Variants in SGCZ observed in about 807,000 individuals in gnomAD.
SGCZ encodes the protein sarcoglycan zeta.
SGCZ carries 40 observed loss-of-function variants against 41.3 expected under a neutral mutation model. The ratio of observed to expected loss-of-function variants is 0.97; its 90% CI spans 0.75 to 1.26. The LOEUF (loss-of-function observed/expected upper bound fraction) is 1.26, where lower values mean the gene tolerates loss of function less well. Among genes scored for constraint, SGCZ ranks in the 50% most tolerant of loss-of-function variants. SGCZ has a pLI of 0.00. For missense variants in SGCZ, 552 were observed against 369.8 expected, an observed-to-expected ratio of 1.49 and a Z score of -4.04; for synonymous variants, 206 against 137.5, an observed-to-expected ratio of 1.50 and a Z score of -3.49.
At chr8:14,562,906 G>A (rs761788276) in intron 1 of SGCZ, among the ~76,000 whole-genome samples, 4 of 152,190 alleles carry the variant, frequency 2.6e-5, no homozygotes, top group Non-Finnish European at 5.9e-5. Context: ...AGATGTGGTA[G>A]CAGAGGAACT....
chr8:14,482,677 T>G (rs1801566985), intron 2 of SGCZ, among the ~76,000 whole-genome samples: 1 of 152,010 alleles, frequency 6.6e-6, no homozygotes, highest in South Asian at 2.1e-4. Flanking sequence ...GCGAAATAAG[T>G]AAAGCAGATG....
chr8:14,142,416 A>T (rs1328138121), intron 5 of SGCZ, among the ~76,000 whole-genome samples: 2 of 152,202 alleles, frequency 1.3e-5, no homozygotes, highest in East Asian at 3.8e-4. Flanking sequence ...GGCTGGCTCT[A>T]AAGTGTTCCC....
chr8:14,446,959 T>A (rs987833482), intron 2 of SGCZ, among the ~76,000 whole-genome samples: 1 of 152,186 alleles, frequency 6.6e-6, no homozygotes, highest in African/African-American at 2.4e-5. Flanking sequence ...TACCAAAAGA[T>A]TAACTTTCAA....
At chr8:14,726,677 TA>T (rs145399160) in intron 1 of SGCZ, among the ~76,000 whole-genome samples, 3,304 of 152,096 alleles carry the variant, frequency 0.022, 85 homozygotes, top group African/African-American at 0.056. Context: ...AATAGATTAA[TA>T]AATGTATAAA....
intron 1 of SGCZ, among the ~76,000 whole-genome samples, chr8:14,843,870 T>C (rs1398556903): frequency 6.6e-6 from 1 of 151,976 alleles, no homozygotes; most frequent in Non-Finnish European, 1.5e-5. Context: ...GTCTTAGTTC[T>C]GTTCAAGAGA....
chr8:14,173,800 G>C (rs1804462097), intron 4 of SGCZ, among the ~76,000 whole-genome samples: 1 of 152,010 alleles, frequency 6.6e-6, no homozygotes, highest in Non-Finnish European at 1.5e-5. Flanking sequence ...ATCAATAATT[G>C]CATTTTAAAT....
At chr8:15,042,015 A>T (rs190000434) in intron 1 of SGCZ, among the ~76,000 whole-genome samples, 1 of 152,314 alleles carries the variant, frequency 6.6e-6, no homozygotes, top group Non-Finnish European at 1.5e-5. Context: ...TAGTATGTAT[A>T]TTCTTTGGGT....
At chr8:14,637,779 AT>A (rs1196470337) in intron 1 of SGCZ, among the ~76,000 whole-genome samples, 3 of 151,884 alleles carry the variant, frequency 2.0e-5, no homozygotes, top group Non-Finnish European at 4.4e-5. Flanking sequence ...GCTGCAAAAA[AT>A]ATGCATGCAT....
At chr8:14,770,416 G>T (rs2130390398) in intron 1 of SGCZ, among the ~76,000 whole-genome samples, 1 of 151,522 alleles carries the variant, frequency 6.6e-6, no homozygotes, top group Non-Finnish European at 1.5e-5. Context: ...TTTCCCCAGA[G>T]GTCAGTATAT....
chr8:14,223,013 T>C (rs67237408), intron 4 of SGCZ, among the ~76,000 whole-genome samples: 35,999 of 151,352 alleles, frequency 0.24, 5,506 homozygotes, highest in Non-Finnish European at 0.34. Flanking sequence ...GGTTTCACCA[T>C]GTAGGCCAGG....
intron 1 of SGCZ, among the ~76,000 whole-genome samples, chr8:15,186,546 T>C (rs567123922): frequency 3.3e-5 from 5 of 152,170 alleles, no homozygotes; most frequent in East Asian, 1.9e-4. Context: ...ATATAAAGCA[T>C]TACCCTTGGA....
chr8:14,581,138 C>T (rs1037396004), intron 1 of SGCZ, among the ~76,000 whole-genome samples: 2 of 152,080 alleles, frequency 1.3e-5, no homozygotes, highest in African/African-American at 4.8e-5. Context: ...GACAGTGTCT[C>T]GTTCTGTCAC....
intron 1 of SGCZ, among the ~76,000 whole-genome samples, chr8:14,683,179 T>C (rs1215092510): frequency 6.6e-6 from 1 of 152,172 alleles, no homozygotes; most frequent in African/African-American, 2.4e-5. Flanking sequence ...GTGTAAAATA[T>C]GCCTAAATAC....
intron 1 of SGCZ, among the ~76,000 whole-genome samples, chr8:14,631,105 G>A (rs549541243): frequency 6.6e-5 from 10 of 151,864 alleles, no homozygotes; most frequent in Middle Eastern, 6.8e-3. Context: ...TCCTATTTTC[G>A]TAATTAGTTC....
rs112264062 is a variant in SGCZ, at chr8:14,586,400, G to A, written c.40-31474C>T. Among the ~76,000 whole-genome samples, 1,267 of 152,158 alleles carry A rather than the reference G, an allele frequency of 8.3e-3. 14 individuals carry two copies. Among genetic ancestry groups the A allele is most frequent in the African/African-American group, 0.029 (1,208 of 41,514 alleles). On this transcript the variant is annotated intron_variant, in intron 1 of 7. Transcript: ENST00000382080. ...GGCTAATTTTTGTGTTTTTAATAGA[G>A]ACAGGGTTTTTCCATGTTGGCCAGG...
At chr8:14,988,908 G>A (rs544838948) in intron 1 of SGCZ, among the ~76,000 whole-genome samples, 4 of 152,278 alleles carry the variant, frequency 2.6e-5, no homozygotes, top group African/African-American at 9.6e-5. Flanking sequence ...ACATTTGTGG[G>A]GAGGGGGGGC....
intron 2 of SGCZ, among the ~76,000 whole-genome samples, chr8:14,330,953 T>G (rs1439703715): frequency 1.3e-5 from 2 of 152,050 alleles, no homozygotes; most frequent in African/African-American, 4.8e-5. Flanking sequence ...AGACATCTTT[T>G]CTGGATAAAA....
intron 2 of SGCZ, among the ~76,000 whole-genome samples, chr8:14,413,374 C>A (rs559442777): frequency 1.3e-5 from 2 of 151,994 alleles, no homozygotes; most frequent in South Asian, 2.1e-4. Context: ...ATATGTAGTT[C>A]TCTGCCCAAT....
At chr8:15,139,942 C>T (rs1231605437) in intron 1 of SGCZ, among the ~76,000 whole-genome samples, 14 of 152,100 alleles carry the variant, frequency 9.2e-5, no homozygotes, top group African/African-American at 3.4e-4. Flanking sequence ...ACTAGAGTAC[C>T]TTATATTACA....
Sources: allele counts gnomAD v4.1 joint callset (sites outside exome capture counted in the v4.1 genomes callset), GRCh38; gene constraint gnomAD v4.1.1; transcripts MANE v1.5; gene names NCBI Gene and HGNC (gene_info 2026-07-23, HGNC 2026-07-21).